TBC1D32: variants seen among roughly 807,000 people sequenced by gnomAD.
TBC1D32 encodes the protein TBC1 domain family member 32, also known as protein broad-minded.
Under a neutral mutation model 170.3 loss-of-function variants are expected in TBC1D32, and 151 were observed. The observed-to-expected ratio is 0.89, with a 90% CI of 0.78 to 1.01. TBC1D32 has a LOEUF of 1.01. Among genes scored for constraint, TBC1D32 ranks in the 50% least tolerant of loss-of-function variants. The pLI is 0.00. For synonymous variants in TBC1D32, 498 were observed against 488.0 expected (o/e 1.02, Z -0.27); for missense variants, 1,464 against 1,457.1 (o/e 1.00, Z -0.08).
intron 22 of TBC1D32, chr6:121,192,377 T>C (rs758811405): frequency 6.6e-6 from 1 of 152,126 alleles, no homozygotes; most frequent in Non-Finnish European, 1.5e-5. Context: ...CATAATACCT[T>C]TGACCATATG....
intron 14 of TBC1D32, among the ~76,000 whole-genome samples, chr6:121,280,178 C>T (rs925419085): frequency 3.8e-5 from 5 of 132,680 alleles, no homozygotes; most frequent in African/African-American, 5.6e-5. Context: ...AACTTCTCTC[C>T]TTAGAATACA....
chr6:121,080,346 T>C lies in TBC1D32; in HGVS notation c.*425A>G, dbSNP rs1201578922. 3.1e-6 allele frequency: 1 copy of C among 327,196 alleles called. No individual in the cohort carries two copies. Among genetic ancestry groups the C allele is most frequent in the Admixed American group, 3.2e-5 (1 of 31,290 alleles). 20.3% of individuals were successfully genotyped at this position (327,196 alleles called of 1,614,324 possible). The stretch of plus-strand genomic sequence containing the variant: ...GATTCTCCTGCCTCAGCCTCCCAAG[T>C]AGCAGGGACTACAGGCGCATCACTG... On this transcript the variant is annotated 3_prime_UTR_variant, in exon 32 of 32. Transcript: ENST00000398212.
chr6:121,212,705 C>T (rs1051394133), intron 21 of TBC1D32, among the ~76,000 whole-genome samples: 16 of 152,076 alleles, frequency 1.1e-4, no homozygotes, highest in Non-Finnish European at 2.2e-4. Context: ...AGGTGATCCA[C>T]CTGCCTCGGG....
chr6:121,298,899 T>C (rs1806043225), intron 10 of TBC1D32, among the ~76,000 whole-genome samples: 1 of 152,132 alleles, frequency 6.6e-6, no homozygotes, highest in Non-Finnish European at 1.5e-5. Flanking sequence ...ATTTTGTCAA[T>C]TATTTATTAG....
At chr6:121,240,385 T>A (rs199958577) in intron 19 of TBC1D32, among the ~76,000 whole-genome samples, 3,296 of 142,744 alleles carry the variant, frequency 0.023, 193 homozygotes, top group East Asian at 0.12. Context: ...TTTTTTTTTT[T>A]ACCAAGAAAC....
chr6:121,150,968 T>G (rs2128234924), intron 24 of TBC1D32, among the ~76,000 whole-genome samples: 1 of 152,296 alleles, frequency 6.6e-6, no homozygotes, highest in South Asian at 2.1e-4. Flanking sequence ...CTGGATTCAT[T>G]GATTTTCTGA....
chr6:121,107,529 A>G (rs754060431), intron 29 of TBC1D32, among the ~76,000 whole-genome samples: 2 of 151,986 alleles, frequency 1.3e-5, no homozygotes, highest in African/African-American at 4.8e-5. Context: ...TTATATCGAT[A>G]TGTAGAACAA....
chr6:121,198,675 C>T (rs1190915881), intron 22 of TBC1D32, among the ~76,000 whole-genome samples: 4 of 150,800 alleles, frequency 2.7e-5, no homozygotes, highest in East Asian at 1.9e-4. Context: ...GGCATGAACC[C>T]GGGAGGCGGA....
chr6:121,321,415 G>C (rs1352463499), intron 2 of TBC1D32, among the ~76,000 whole-genome samples: 1 of 152,188 alleles, frequency 6.6e-6, no homozygotes, highest in Non-Finnish European at 1.5e-5. Flanking sequence ...CCCATGGTAG[G>C]CCTCGTTGAC....
At chr6:121,087,950 ATTTTT>A (rs571335757) in intron 31 of TBC1D32, among the ~76,000 whole-genome samples, 3 of 141,384 alleles carry the variant, frequency 2.1e-5, no homozygotes, top group South Asian at 2.3e-4. Context: ...TACATGGGGA[ATTTTT>A]TTTTTTTTTT....
At chr6:121,105,448 C>G (rs1363113134) in intron 30 of TBC1D32, among the ~76,000 whole-genome samples, 1 of 151,878 alleles carries the variant, frequency 6.6e-6, no homozygotes, top group Non-Finnish European at 1.5e-5. Flanking sequence ...TTAAACCCTA[C>G]AATATTAATT....
At position 121,222,477 on chromosome 6, in the gene TBC1D32, A is replaced by G. The variant is rs141464154; in HGVS notation, c.2481+759T>C. On this transcript the variant is annotated intron_variant, in intron 21 of 31. Coordinates refer to ENST00000398212, the MANE Select transcript of TBC1D32 (RefSeq NM_152730.6). ...TACCTATCTTTGTATTTCACGTCAT[A>G]TAAGCTATTAAAAGTTTCCCAAAGT... is the stretch of plus-strand genomic sequence containing the variant. Among the ~76,000 whole-genome samples the G allele has an allele frequency of 2.1e-3, 316 of 152,290 alleles. 1 individual carries two copies. The highest frequency in any genetic ancestry group is 7.3e-3 in the African/African-American group (304 of 41,540).
intron 1 of TBC1D32, among the ~76,000 whole-genome samples, chr6:121,327,373 A>G (rs1810591365): frequency 6.6e-6 from 1 of 152,226 alleles, no homozygotes; most frequent in Admixed American, 6.5e-5. Context: ...TATTGGTGCT[A>G]TGTACTAGCT....
intron 26 of TBC1D32, among the ~76,000 whole-genome samples, chr6:121,121,294 C>G (rs1399367577): frequency 2.6e-5 from 4 of 151,908 alleles, no homozygotes; most frequent in Non-Finnish European, 5.9e-5. Context: ...GAAGGAACAA[C>G]AGGAGCAAAA....
chr6:121,100,218 T>C (rs1423634575), intron 30 of TBC1D32, among the ~76,000 whole-genome samples: 1 of 151,992 alleles, frequency 6.6e-6, no homozygotes, highest in Admixed American at 6.6e-5. Context: ...AAGTGCGATG[T>C]GGTGCTGAGA....
chr6:121,141,917 C>G (rs571635440), intron 24 of TBC1D32, among the ~76,000 whole-genome samples: 12 of 152,162 alleles, frequency 7.9e-5, no homozygotes, highest in African/African-American at 2.9e-4. Flanking sequence ...TAGCTAATAG[C>G]AAAAAGCAAA....
intron 26 of TBC1D32, among the ~76,000 whole-genome samples, chr6:121,125,511 G>A (rs1013407742): frequency 8.5e-5 from 13 of 152,048 alleles, no homozygotes; most frequent in African/African-American, 2.9e-4. Flanking sequence ...ACAGGGATGT[G>A]TAAGCCAGCA....
intron 9 of TBC1D32, among the ~76,000 whole-genome samples, chr6:121,301,680 GTA>G (rs1806503321): frequency 6.6e-6 from 1 of 151,970 alleles, no homozygotes; most frequent in Admixed American, 6.6e-5. Flanking sequence ...GGAACTTAAA[GTA>G]TAGTAAAAAA....
At chr6:121,199,504 G>C (rs565168939) in intron 22 of TBC1D32, among the ~76,000 whole-genome samples, 112 of 151,248 alleles carry the variant, frequency 7.4e-4, no homozygotes, top group Non-Finnish European at 2.8e-4. Flanking sequence ...CAGCATTCTT[G>C]AATTTTTCTA....
Sources: allele counts gnomAD v4.1 joint callset (sites outside exome capture counted in the v4.1 genomes callset), GRCh38; gene constraint gnomAD v4.1.1; transcripts MANE v1.5; gene names NCBI Gene and HGNC (gene_info 2026-07-23, HGNC 2026-07-21).